Variants in ST7 observed in about 807,000 individuals in gnomAD.
ST7 encodes the protein suppression of tumorigenicity 7.
Under a neutral mutation model 78.7 loss-of-function variants are expected in ST7, and 28 were observed. The observed-to-expected ratio is 0.36, with a 90% confidence interval of 0.26 to 0.49. The LOEUF is 0.49. ST7 is among the 20% of genes least tolerant of loss of function. The pLI is 0.99. For missense variants in ST7, 418 were observed against 696.0 expected, an observed-to-expected ratio of 0.60 and a Z score of 4.49; for synonymous variants, 247 against 249.6, an observed-to-expected ratio of 0.99 and a Z score of 0.10.
chr7:116,990,046 T>TTC (rs1406188048), intron 1 of ST7, among the ~76,000 whole-genome samples: 1 of 152,138 alleles, frequency 6.6e-6, no homozygotes, highest in Non-Finnish European at 1.5e-5. Context: ...GTTCAAGTGA[T>TTC]TCTCCTGCCT....
chr7:116,965,431 A>C (rs895721181), intron 1 of ST7, among the ~76,000 whole-genome samples: 12 of 151,912 alleles, frequency 7.9e-5, no homozygotes, highest in Non-Finnish European at 1.2e-4. Flanking sequence ...GGGGAGGGAG[A>C]GCATTAGGAC....
At chr7:117,192,257 T>C (rs1341781725) in intron 12 of ST7, among the ~76,000 whole-genome samples, 2 of 152,226 alleles carry the variant, frequency 1.3e-5, no homozygotes, top group Admixed American at 1.3e-4. Context: ...TGAATACTTA[T>C]TGAATGCCAT....
chr7:117,156,765 G>C (rs1392068732), intron 9 of ST7, among the ~76,000 whole-genome samples: 1 of 152,154 alleles, frequency 6.6e-6, no homozygotes, highest in African/African-American at 2.4e-5. Flanking sequence ...AGAAATGAGA[G>C]TGGCCCAAGA....
chr7:116,984,645 T>G (rs900379398), intron 1 of ST7, among the ~76,000 whole-genome samples: 4 of 152,156 alleles, frequency 2.6e-5, no homozygotes, highest in Non-Finnish European at 5.9e-5. Context: ...GTTTTCTCAT[T>G]TGTACAGTGG....
chr7:117,092,171 C>T (rs949876101), intron 1 of ST7, among the ~76,000 whole-genome samples: 1 of 148,080 alleles, frequency 6.8e-6, no homozygotes, highest in African/African-American at 2.5e-5. Flanking sequence ...CCCAGCTACT[C>T]GGGAGGCTGA....
intron 12 of ST7, among the ~76,000 whole-genome samples, chr7:117,206,027 A>G (rs1192179449): frequency 6.6e-6 from 1 of 152,186 alleles, no homozygotes; most frequent in Non-Finnish European, 1.5e-5. Context: ...ATGCTTTTCT[A>G]ATTTAAATGT....
intron 9 of ST7, among the ~76,000 whole-genome samples, chr7:117,162,838 A>G (rs1279128389): frequency 6.6e-6 from 1 of 152,148 alleles, no homozygotes; most frequent in Non-Finnish European, 1.5e-5. Flanking sequence ...AACTGTAGTC[A>G]TCCTACACTG....
At chr7:117,046,401 C>T (rs77612460) in intron 1 of ST7, among the ~76,000 whole-genome samples, 2,551 of 152,230 alleles carry the variant, frequency 0.017, 44 homozygotes, top group Middle Eastern at 0.02. Flanking sequence ...AGTGTTTTCC[C>T]TCTAACTGAA....
At chr7:117,177,899 T>C (rs116613012) in intron 10 of ST7, among the ~76,000 whole-genome samples, 1 of 152,154 alleles carries the variant, frequency 6.6e-6, no homozygotes, top group Admixed American at 6.5e-5. Flanking sequence ...AACAAGTAAA[T>C]TGAGAAATTA....
chr7:116,970,925 A>C (rs1207757467), intron 1 of ST7, among the ~76,000 whole-genome samples: 1 of 152,210 alleles, frequency 6.6e-6, no homozygotes, highest in African/African-American at 2.4e-5. Flanking sequence ...TATTTCAAAA[A>C]GACATTTGTC....
chr7:116,978,758 T>A (rs1793818082), intron 1 of ST7, among the ~76,000 whole-genome samples: 1 of 152,072 alleles, frequency 6.6e-6, no homozygotes, highest in African/African-American at 2.4e-5. Flanking sequence ...GCTAATTTTT[T>A]GTATTTTTAG....
At chr7:117,201,583 G>A (rs1333711343) in intron 12 of ST7, among the ~76,000 whole-genome samples, 1 of 150,934 alleles carries the variant, frequency 6.6e-6, no homozygotes, top group Non-Finnish European at 1.5e-5. Context: ...CCATGAGACA[G>A]GGTCTTGCTC....
chr7:117,099,485 C>T (rs1801404425), intron 1 of ST7, among the ~76,000 whole-genome samples: 1 of 152,100 alleles, frequency 6.6e-6, no homozygotes, highest in Non-Finnish European at 1.5e-5. Flanking sequence ...GTTATGAATC[C>T]ATGAAAACCG....
chr7:116,973,493 G>A lies in ST7; in HGVS notation c.151+19802G>A, dbSNP rs1427738057. Among the ~76,000 whole-genome samples the A allele has an allele frequency of 5.3e-5, 8 of 152,186 alleles. No homozygotes were observed. The East Asian group carries it at 1.3e-3, about 26-fold the overall frequency. On this transcript the variant is annotated intron_variant, in intron 1 of 15. Transcript: ENST00000323984. ...ACTGACCTCAAACTCCTGGGCTCAA[G>A]CGATGCTACTGCCTTGGCCTCCCAA...
intron 1 of ST7, chr7:116,972,330 A>C (rs1562985863): frequency 1.7e-6 from 1 of 595,950 alleles, no homozygotes; most frequent in South Asian, 1.7e-5. Flanking sequence ...CCTTGAATTT[A>C]TCAGTAAGAA....
intron 1 of ST7, among the ~76,000 whole-genome samples, chr7:117,056,513 T>C (rs1313453958): frequency 6.6e-6 from 1 of 152,092 alleles, no homozygotes; most frequent in Non-Finnish European, 1.5e-5. Context: ...CACATGCCTG[T>C]AATCACAGCT....
intron 3 of ST7, among the ~76,000 whole-genome samples, chr7:117,122,232 G>A (rs897531416): frequency 6.6e-6 from 1 of 152,164 alleles, no homozygotes; most frequent in Non-Finnish European, 1.5e-5. Context: ...ATATGGGAAA[G>A]GGACTGGATT....
intron 3 of ST7, among the ~76,000 whole-genome samples, chr7:117,124,211 A>G (rs375558751): frequency 1.3e-5 from 2 of 152,142 alleles, no homozygotes; most frequent in East Asian, 3.8e-4. Context: ...AGAACAAATA[A>G]TTTTATCGAT....
intron 1 of ST7, among the ~76,000 whole-genome samples, chr7:117,031,044 G>A (rs1796448833): frequency 6.6e-6 from 1 of 152,058 alleles, no homozygotes; most frequent in African/African-American, 2.4e-5. Flanking sequence ...CAGGAACATG[G>A]ATGGAACTGG....
Sources: gnomAD v4.1 joint callset for allele counts (sites outside exome capture counted in the v4.1 genomes callset) on GRCh38, gnomAD v4.1.1 for gene constraint, MANE v1.5 for transcripts, NCBI Gene and HGNC (gene_info 2026-07-23, HGNC 2026-07-21) for gene names.